GLRA3: variants seen among roughly 807,000 people sequenced by gnomAD.
GLRA3 encodes glycine receptor subunit alpha-3.
A neutral mutation model predicts 60.4 loss-of-function variants in GLRA3; 44 were observed. The observed-to-expected ratio is 0.73, with a 90% CI of 0.57 to 0.94. GLRA3 has a LOEUF of 0.94. Ranked by LOEUF, GLRA3 falls within the 40% of genes least tolerant of loss-of-function variation. GLRA3 has a pLI of 0.00. For synonymous variants in GLRA3, 223 were observed against 192.9 expected, an observed-to-expected ratio of 1.16 and a Z score of -1.29; for missense variants, 508 against 564.6, an observed-to-expected ratio of 0.90 and a Z score of 1.02.
intron 1 of GLRA3, among the ~76,000 whole-genome samples, chr4:174,790,121 T>G (rs1481880049): frequency 2.6e-5 from 4 of 152,176 alleles, no homozygotes; most frequent in African/African-American, 9.7e-5. Flanking sequence ...AAGCACAGAA[T>G]CACAAATAAC....
chr4:174,776,106 T>C (rs562283301), intron 2 of GLRA3, among the ~76,000 whole-genome samples: 9 of 152,252 alleles, frequency 5.9e-5, no homozygotes, highest in Admixed American at 4.6e-4. Flanking sequence ...AACGGTTGCC[T>C]GGTATTTAGC....
intron 6 of GLRA3, among the ~76,000 whole-genome samples, chr4:174,680,340 C>T (rs1364269238): frequency 1.3e-5 from 2 of 151,950 alleles, no homozygotes; most frequent in African/African-American, 2.4e-5. Flanking sequence ...CAGTGATCAA[C>T]AGAATAAATA....
intron 4 of GLRA3, among the ~76,000 whole-genome samples, chr4:174,724,083 T>C (rs1293453571): frequency 1.3e-5 from 2 of 151,240 alleles, no homozygotes; most frequent in African/African-American, 2.4e-5. Flanking sequence ...TGTATATATA[T>C]ATATATGCCT....
At chr4:174,779,716 A>T (rs1291726350) in intron 2 of GLRA3, among the ~76,000 whole-genome samples, 1 of 152,204 alleles carries the variant, frequency 6.6e-6, no homozygotes. Context: ...GGTATCAGAG[A>T]TGGAAGATGA....
At chr4:174,818,394 C>T (rs2111389786) in intron 1 of GLRA3, among the ~76,000 whole-genome samples, 1 of 152,094 alleles carries the variant, frequency 6.6e-6, no homozygotes, top group Non-Finnish European at 1.5e-5. Flanking sequence ...TATACATATA[C>T]CCACAGGGAA....
At chr4:174,749,318 GTGAGGTGGCTGGCA>G (rs1737371695) in intron 3 of GLRA3, among the ~76,000 whole-genome samples, 1 of 152,062 alleles carries the variant, frequency 6.6e-6, no homozygotes, top group African/African-American at 2.4e-5. Context: ...ATTCCTTTCT[GTGAGGTGGCTGGCA>G]TGGTTTCTGT....
chr4:174,661,733 G>C (rs1249691993), intron 7 of GLRA3, among the ~76,000 whole-genome samples: 1 of 152,146 alleles, frequency 6.6e-6, no homozygotes, highest in African/African-American at 2.4e-5. Context: ...GACCCAGCCA[G>C]CCTCCTTGAT....
At chr4:174,743,575 T>A (rs925537243) in intron 3 of GLRA3, among the ~76,000 whole-genome samples, 7 of 152,154 alleles carry the variant, frequency 4.6e-5, no homozygotes, top group Non-Finnish European at 1.0e-4. Flanking sequence ...TCTCATTGCA[T>A]CATTCCAATA....
intron 3 of GLRA3, among the ~76,000 whole-genome samples, chr4:174,733,771 T>C (rs1424179118): frequency 1.3e-5 from 2 of 152,218 alleles, no homozygotes; most frequent in Non-Finnish European, 2.9e-5. Flanking sequence ...CTTTCCCACA[T>C]GGCCCTGCAT....
chr4:174,678,177 C>T (rs1484115673), intron 6 of GLRA3, among the ~76,000 whole-genome samples: 1 of 152,152 alleles, frequency 6.6e-6, no homozygotes, highest in Non-Finnish European at 1.5e-5. Flanking sequence ...GTACTATACA[C>T]TTATGCTTTT....
At chr4:174,756,402 T>C (rs1366476841) in intron 3 of GLRA3, among the ~76,000 whole-genome samples, 1 of 152,034 alleles carries the variant, frequency 6.6e-6, no homozygotes, top group Non-Finnish European at 1.5e-5. Flanking sequence ...AATAATAAAT[T>C]ATGGTCAAAT....
In GLRA3 at chr4:174,643,790, T is replaced by C. The variant is rs745747356; in HGVS notation, c.1391A>G (p.Asp464Gly). ...CATTTGCATGCCCCCAGAGACTTAA[T>C]CTTGCTGCTGATGAATATCCTCATG... is the stretch of plus-strand genomic sequence containing the variant. ...LRHEDIHQQQ[D>G] The change falls in exon 10 of 10, where the codon GAT (aspartate) becomes GGT (glycine). Residue 464 changes from aspartate to glycine, a missense_variant. By Grantham distance (94) the Asp-to-Gly change is moderately conservative. This residue lies in a region of GLRA3 where 176 missense variants were observed against 197.9 expected (regional missense o/e 0.89). Coordinates refer to ENST00000274093, the MANE Select transcript of GLRA3 (RefSeq NM_006529.4). 5.0e-6 allele frequency: 8 copies of C among 1,611,484 alleles called. No individual in the cohort carries two copies. The highest frequency in any genetic ancestry group is 1.3e-5 in the African/African-American group (1 of 74,744).
At chr4:174,763,167 A>G (rs1049547727) in intron 3 of GLRA3, among the ~76,000 whole-genome samples, 1 of 152,186 alleles carries the variant, frequency 6.6e-6, no homozygotes, top group Non-Finnish European at 1.5e-5. Flanking sequence ...ACCATGGGGA[A>G]AAAGCACTCA....
chr4:174,661,010 T>C (rs1733413046), intron 7 of GLRA3, among the ~76,000 whole-genome samples: 1 of 152,180 alleles, frequency 6.6e-6, no homozygotes, highest in Admixed American at 6.5e-5. Flanking sequence ...CATCTTGTAC[T>C]TTTCCTGTTC....
At chr4:174,707,389 A>G (rs1735555618) in intron 5 of GLRA3, among the ~76,000 whole-genome samples, 3 of 152,198 alleles carry the variant, frequency 2.0e-5, no homozygotes, top group East Asian at 1.9e-4. Flanking sequence ...GTAAACATGG[A>G]TGGGGGACAT....
intron 5 of GLRA3, among the ~76,000 whole-genome samples, chr4:174,694,200 A>T (rs1734965046): frequency 6.6e-6 from 1 of 152,224 alleles, no homozygotes; most frequent in African/African-American, 2.4e-5. Context: ...AGTAAAAAAC[A>T]TATTCAGAAT....
intron 7 of GLRA3, among the ~76,000 whole-genome samples, chr4:174,670,019 A>G (rs1270275157): frequency 1.3e-5 from 2 of 152,216 alleles, no homozygotes; most frequent in African/African-American, 4.8e-5. Flanking sequence ...GAAAAGACAC[A>G]GTTATCTCTG....
chr4:174,661,071 G>T (rs946546824), intron 7 of GLRA3, among the ~76,000 whole-genome samples: 1 of 152,080 alleles, frequency 6.6e-6, no homozygotes, highest in Non-Finnish European at 1.5e-5. Context: ...AGTGAAGAGT[G>T]GTTTTTAGAA....
chr4:174,669,549 A>G (rs1382604806), intron 7 of GLRA3, among the ~76,000 whole-genome samples: 1 of 152,096 alleles, frequency 6.6e-6, no homozygotes, highest in African/African-American at 2.4e-5. Flanking sequence ...CTTCTAACAC[A>G]ATATTTATTT....
Sources: allele counts gnomAD v4.1 joint callset (sites outside exome capture counted in the v4.1 genomes callset), GRCh38; gene constraint gnomAD v4.1.1; regional missense constraint gnomAD v4.1.1; transcripts MANE v1.5; gene names NCBI Gene and HGNC (gene_info 2026-07-23, HGNC 2026-07-21).